Variants in SEPTIN11 observed in about 807,000 individuals in gnomAD.
The protein encoded by SEPTIN11 is septin 11.
In SEPTIN11, 25 loss-of-function variants were observed where a neutral mutation model predicts 51.4. That is an observed-to-expected ratio of 0.49 (90% CI 0.35 to 0.68). The LOEUF (loss-of-function observed/expected upper bound fraction) is 0.68. Among genes scored for constraint, SEPTIN11 ranks in the 30% least tolerant of loss-of-function variants. The pLI is 0.00. For missense variants in SEPTIN11, 381 were observed against 520.8 expected, an observed-to-expected ratio of 0.73 and a Z score of 2.61; for synonymous variants, 174 against 184.1, an observed-to-expected ratio of 0.95 and a Z score of 0.44.
At chr4:76,972,475 CAAA>C (rs758255843) in intron 1 of SEPTIN11, 2 of 152,168 alleles carry the variant, frequency 1.3e-5, no homozygotes, top group Non-Finnish European at 2.9e-5. Context: ...AGAAGCAACT[CAAA>C]GAAAGCAAAC....
chr4:77,036,969 A>T lies in SEPTIN11; in HGVS notation c.*2457A>T, dbSNP rs1727076425. ...GTAATGGTTTGAGTAGCCTTTGTTT[A>T]AAAAAAAGACTAAATATATTTAAAA... On this transcript the variant is annotated 3_prime_UTR_variant, in exon 10 of 10. Coordinates refer to ENST00000264893, the MANE Select transcript of SEPTIN11 (RefSeq NM_018243.4). The T allele has an allele frequency of 3.2e-6, 4 of 1,261,950 alleles. No homozygotes were observed. Among genetic ancestry groups the T allele is most frequent in the East Asian group, 3.2e-5 (1 of 31,524 alleles). The allele number at this position is 1,261,950 out of a possible 1,614,324, so 78.2% of individuals were successfully genotyped here.
intron 2 of SEPTIN11, among the ~76,000 whole-genome samples, chr4:77,003,759 T>C (rs1724288792): frequency 6.6e-6 from 1 of 152,224 alleles, no homozygotes; most frequent in Non-Finnish European, 1.5e-5. Context: ...CAATACAGAA[T>C]TTATAACTAG....
chr4:76,957,314 C>T (rs1414729461), intron 1 of SEPTIN11, among the ~76,000 whole-genome samples: 1 of 152,072 alleles, frequency 6.6e-6, no homozygotes, highest in African/African-American at 2.4e-5. Flanking sequence ...TCAGATGGCA[C>T]CCTTCTTTCC....
intron 5 of SEPTIN11, among the ~76,000 whole-genome samples, chr4:77,017,547 T>C (rs1725387795): frequency 6.6e-6 from 1 of 152,148 alleles, no homozygotes; most frequent in South Asian, 2.1e-4. Flanking sequence ...AGAAAGATAA[T>C]GTGCTTTCTT....
chr4:76,978,658 G>A (rs1002469846), intron 1 of SEPTIN11, among the ~76,000 whole-genome samples: 1 of 152,178 alleles, frequency 6.6e-6, no homozygotes, highest in East Asian at 1.9e-4. Flanking sequence ...CCTCAGAGGC[G>A]ATTGTGAGAA....
intron 1 of SEPTIN11, among the ~76,000 whole-genome samples, chr4:76,950,179 C>T (rs1721266730): frequency 6.6e-6 from 1 of 152,196 alleles, no homozygotes; most frequent in Non-Finnish European, 1.5e-5. Context: ...AGAAAAAGGA[C>T]CCCTCTCCTG....
chr4:77,020,835 A>G, intron 7 of SEPTIN11, 165 bp downstream of exon 7: 2 of 648,038 alleles, frequency 3.1e-6, no homozygotes, highest in South Asian at 2.1e-5. Flanking sequence ...CTTTATTTGC[A>G]TTATCTCAAC....
In SEPTIN11 at chr4:77,035,121, C is replaced by A; in HGVS notation, c.*609C>A. The A allele has an allele frequency of 1.0e-6, 1 of 985,426 alleles. No individual in the cohort carries two copies. The highest frequency in any genetic ancestry group is 1.2e-6 in the Non-Finnish European group (1 of 829,938). The allele number at this position is 985,426 out of a possible 1,614,324, so 61.0% of individuals were successfully genotyped here. ...CTTGTGGGTCTGTTCAGACTGTCTC[C>A]TCTCATGGTTTGAAACTGCATCTGA... On this transcript the variant is annotated 3_prime_UTR_variant, in exon 10 of 10. Coordinates refer to ENST00000264893, the MANE Select transcript of SEPTIN11 (RefSeq NM_018243.4).
intron 3 of SEPTIN11, among the ~76,000 whole-genome samples, chr4:77,006,422 T>G (rs907115703): frequency 3.9e-5 from 6 of 152,196 alleles, no homozygotes; most frequent in African/African-American, 1.4e-4. Context: ...CATGTTAGTC[T>G]TAGTCTCAGG....
At chr4:76,995,962 G>C in intron 1 of SEPTIN11, 1 of 1,533,564 alleles carries the variant, frequency 6.5e-7, no homozygotes, top group Non-Finnish European at 8.7e-7. Context: ...TGTCATCATT[G>C]TAAGGAGTAT....
At chr4:77,010,925 TG>T (rs1207045280) in intron 3 of SEPTIN11, among the ~76,000 whole-genome samples, 3 of 152,342 alleles carry the variant, frequency 2.0e-5, no homozygotes, top group Middle Eastern at 3.4e-3. Flanking sequence ...TTATGGAATG[TG>T]TATCCCCAAT....
Position 77,011,856 on chromosome 4 carries a change from A to G in SEPTIN11, c.460A>G (p.Ile154Val). The G allele has an allele frequency of 6.2e-7, 1 of 1,614,106 alleles. No individual in the cohort carries two copies. Among genetic ancestry groups the G allele is most frequent in the Non-Finnish European group, 8.5e-7 (1 of 1,179,988 alleles). Residue 154 changes from isoleucine to valine, a missense_variant, in exon 4 of 10, where the codon ATT (isoleucine) becomes GTT (valine). Ile to Val is a conservative substitution (Grantham distance 29, BLOSUM62 3). Coordinates refer to ENST00000264893, the MANE Select transcript of SEPTIN11 (RefSeq NM_018243.4). ...GAGGATCCATGCCTGCCTCTACTTT[A>G]TTGCCCCTACTGGACATTCACTAAA... ...DTRIHACLYF[I>V]APTGHSLKSL...
Position 76,949,824 on chromosome 4 carries a change from G to C in SEPTIN11, c.-80G>C. 6.9e-7 allele frequency: 1 copy of C among 1,450,332 alleles called. No homozygotes were observed. The highest frequency in any genetic ancestry group is 2.8e-5 in the East Asian group (1 of 35,772). 89.8% of individuals were successfully genotyped at this position (1,450,332 alleles called of 1,614,324 possible). On this transcript the variant is annotated 5_prime_UTR_variant, in exon 1 of 10. Coordinates refer to ENST00000264893, the MANE Select transcript of SEPTIN11 (RefSeq NM_018243.4). The stretch of plus-strand genomic sequence containing the variant: ...GCCGCGAGGGAGGCGCGAGGGAGGC[G>C]AGCCGGAGCCCGAGCACTAGCAGCA...
At chr4:77,030,188 A>C (rs1487048487) in intron 8 of SEPTIN11, among the ~76,000 whole-genome samples, 1 of 151,964 alleles carries the variant, frequency 6.6e-6, no homozygotes, top group Admixed American at 6.6e-5. Context: ...CCCAGGAGAC[A>C]GAGGTTGCAG....
At chr4:76,963,799 T>C (rs1238277418) in intron 1 of SEPTIN11, among the ~76,000 whole-genome samples, 1 of 152,146 alleles carries the variant, frequency 6.6e-6, no homozygotes, top group East Asian at 1.9e-4. Context: ...AAAAACTTTA[T>C]TTATTTATTT....
At chr4:77,011,101 C>G (rs1299162341) in intron 3 of SEPTIN11, among the ~76,000 whole-genome samples, 2 of 152,140 alleles carry the variant, frequency 1.3e-5, no homozygotes, top group Non-Finnish European at 2.9e-5. Flanking sequence ...CTAGGCGCCT[C>G]AGTTCCTAGA....
chr4:76,994,603 C>T (rs1723563364), intron 1 of SEPTIN11, among the ~76,000 whole-genome samples: 2 of 152,236 alleles, frequency 1.3e-5, no homozygotes, highest in African/African-American at 4.8e-5. Flanking sequence ...CTCAAATCTG[C>T]AGCTGCCACC....
chr4:77,011,171 T>C (rs1724835387), intron 3 of SEPTIN11, among the ~76,000 whole-genome samples: 1 of 152,182 alleles, frequency 6.6e-6, no homozygotes, highest in African/African-American at 2.4e-5. Context: ...TCTGGAGGAA[T>C]AGGGCAGATG....
chr4:77,039,051 CT>C (rs1336570816), downstream of SEPTIN11: 1 of 1,280,374 alleles, frequency 7.8e-7, no homozygotes, highest in Admixed American at 2.3e-5. Flanking sequence ...GAATCTGAAC[CT>C]TTCTTTTTTC....
Sources: gnomAD v4.1 joint callset for allele counts (sites outside exome capture counted in the v4.1 genomes callset) on GRCh38, gnomAD v4.1.1 for gene constraint, MANE v1.5 for transcripts, NCBI Gene and HGNC (gene_info 2026-07-23, HGNC 2026-07-21) for gene names.